Variants in TMSB4X observed in about 807,000 individuals in gnomAD.
The protein encoded by TMSB4X is thymosin beta-4.
A neutral mutation model predicts 3.6 loss-of-function variants in TMSB4X; 1 was observed. The observed-to-expected ratio is 0.28, with a 90% CI of 0.10 to 1.32. The LOEUF (loss-of-function observed/expected upper bound fraction) is 1.32. Ranked by LOEUF, TMSB4X falls within the 40% of genes most tolerant of loss-of-function variation. The probability of loss-of-function intolerance (pLI) is 0.45; values close to 1 mark genes in which losing one functional copy is unlikely to be tolerated. For synonymous variants in TMSB4X, 12 were observed against 14.3 expected, an observed-to-expected ratio of 0.84 and a Z score of 0.36; for missense variants, 6 against 32.7, an observed-to-expected ratio of 0.18 and a Z score of 1.99.
chrX:12,976,914 C>G lies in TMSB4X; in HGVS notation c.*103C>G, dbSNP rs1172966197. Reference sequence around the variant, plus strand: ...TTTGTAAGATGCAAAGAGGTTGGATCAAGTTTAAATGACTGTGCTGCCCCT... The same window carrying G: ...TTTGTAAGATGCAAAGAGGTTGGATGAAGTTTAAATGACTGTGCTGCCCCT... On this transcript the variant is annotated 3_prime_UTR_variant, in exon 3 of 3. Coordinates refer to ENST00000451311, the MANE Select transcript of TMSB4X (RefSeq NM_021109.4). 1 of 958,468 alleles carries G rather than the reference C, an allele frequency of 1.0e-6. No individual in the cohort carries two copies. Among genetic ancestry groups the G allele is most frequent in the East Asian group, 3.1e-5 (1 of 32,572 alleles). The allele number at this position is 958,468 out of a possible 1,213,427, so 79.0% of individuals were successfully genotyped here. A position where few individuals can be genotyped will look rare whatever the true frequency, so the allele number is the denominator to read the frequency against.
rs2010339 is a variant in TMSB4X, at chrX:12,976,254, C to T, written c.-8C>T. ...TGGCTTGCTCCCTGCAGCTTTTCCT[C>T]CGCAACCATGTCTGACAAACCCGAT... On this transcript the variant is annotated 5_prime_UTR_variant, in exon 2 of 3. Transcript: ENST00000451311. 3.3e-6 allele frequency: 4 copies of T among 1,206,494 alleles called. No individual in the cohort carries two copies. In the African/African-American group the frequency reaches 7.0e-5, roughly 21 times the overall value.
At chrX:12,975,457 C>A (rs755472234) in intron 1 of TMSB4X, 1 of 113,148 alleles carries the variant, frequency 8.8e-6, no homozygotes, top group African/African-American at 3.2e-5. Flanking sequence ...TTGTGCGTTG[C>A]CTTGGAGGCT....
chrX:12,976,186 C>T, intron 1 of TMSB4X, 60 bp from the exon 2 acceptor site: 1 of 917,251 alleles, frequency 1.1e-6, no homozygotes, highest in Non-Finnish European at 1.6e-6. Flanking sequence ...CAGTTCCCAG[C>T]CCAGAGACAG....
At position 12,976,371 on chromosome X, in the gene TMSB4X, G is replaced by A; in HGVS notation, c.100+10G>A. ...CTGCCTTCCAAAGAAAGTGAGCTCC[G>A]ACCCACCCCCATCTTTAGAAAGGCT... On this transcript the variant is annotated intron_variant, in intron 2 of 2. Coordinates refer to ENST00000451311, the MANE Select transcript of TMSB4X (RefSeq NM_021109.4). 8.5e-7 allele frequency: 1 copy of A among 1,173,284 alleles called. No homozygotes were observed. Among genetic ancestry groups the A allele is most frequent in the East Asian group, 3.1e-5 (1 of 32,047 alleles).
rs1335322543 is a variant in TMSB4X, at chrX:12,976,236, C to T, written c.-16-10C>T. ...CTTCCTCACGCTCGCTCTTGGCTTGCTCCCTGCAGCTTTTCCTCCGCAACC... is the reference window on the plus strand; with the variant it reads ...CTTCCTCACGCTCGCTCTTGGCTTGTTCCCTGCAGCTTTTCCTCCGCAACC... On this transcript the variant is annotated splice_polypyrimidine_tract_variant and intron_variant, in intron 1 of 2. Transcript: ENST00000451311. 1.4e-5 allele frequency: 16 copies of T among 1,184,807 alleles called. No individual in the cohort carries two copies. The highest frequency in any genetic ancestry group is 3.5e-5 in the African/African-American group (2 of 56,622).
intron 2 of TMSB4X, among the ~76,000 whole-genome samples, 199 bp from the exon 3 acceptor site, chrX:12,976,577 GC>G (rs1279819998): frequency 8.9e-6 from 1 of 111,753 alleles, no homozygotes; most frequent in Non-Finnish European, 1.9e-5. Context: ...TATTTAATAT[GC>G]CATATTAATA....
chrX:12,977,040 G>A lies in TMSB4X; in HGVS notation c.*229G>A. On this transcript the variant is annotated 3_prime_UTR_variant, in exon 3 of 3. Coordinates refer to ENST00000451311, the MANE Select transcript of TMSB4X (RefSeq NM_021109.4). ...AGGAAAGAACTTGCATGTTGGTGAAGGAAGAAGTGGGGTGGAAGAAGTGGG... is the reference window on the plus strand; with the variant it reads ...AGGAAAGAACTTGCATGTTGGTGAAAGAAGAAGTGGGGTGGAAGAAGTGGG... 1 of 428,611 alleles carries A rather than the reference G, an allele frequency of 2.3e-6. No individual in the cohort carries two copies. Among genetic ancestry groups the A allele is most frequent in the South Asian group, 4.0e-5 (1 of 25,114 alleles). 35.3% of individuals were successfully genotyped at this position (428,611 alleles called of 1,213,427 possible). A position where few individuals can be genotyped will look rare whatever the true frequency, so the allele number is the denominator to read the frequency against.
At chrX:12,976,203 G>C in intron 1 of TMSB4X, 43 bp from the exon 2 acceptor site, 1 of 1,011,826 alleles carries the variant, frequency 9.9e-7, no homozygotes, top group Non-Finnish European at 1.4e-6. Flanking sequence ...ACAGCGGGGC[G>C]GGTGGCTCTT....
chrX:12,976,148 T>A, intron 1 of TMSB4X, 98 bp from the exon 2 acceptor site: 1 of 604,467 alleles, frequency 1.7e-6, no homozygotes, highest in Non-Finnish European at 2.7e-6. Flanking sequence ...AGGGTTTTTT[T>A]CAGGCTGCGG....
Position 12,976,284 on chromosome X carries a change from C to T in TMSB4X, c.23C>T (p.Ala8Val), listed in dbSNP as rs777121308. Reference sequence around the variant, plus strand: ...ACCATGTCTGACAAACCCGATATGGCTGAGATCGAGAAATTCGATAAGTCG... The same window carrying T: ...ACCATGTCTGACAAACCCGATATGGTTGAGATCGAGAAATTCGATAAGTCG... MSDKPDM[A>V]EIEKFDKSKL... Residue 8 changes from alanine (A) to valine (V), a missense_variant, in exon 2 of 3, where the codon GCT becomes GTT. Physicochemically the swap from Ala to Val is moderately conservative, Grantham distance 64. Transcript: ENST00000451311. The T allele has an allele frequency of 8.3e-7, 1 of 1,209,026 alleles. No individual in the cohort carries two copies. The highest frequency in any genetic ancestry group is 2.2e-5 in the Admixed American group (1 of 45,755).
At chrX:12,976,748 C>CTTTTT (rs138495959) in intron 2 of TMSB4X, 29 bp from the exon 3 acceptor site, 30 of 1,070,470 alleles carry the variant, frequency 2.8e-5, no homozygotes, top group Admixed American at 1.6e-4. Flanking sequence ...CTCCCTCCAT[C>CTTTTT]TTTTTTTTTT....
intron 1 of TMSB4X, chrX:12,975,427 A>T (rs184923448): frequency 8.8e-5 from 10 of 113,060 alleles, no homozygotes; most frequent in African/African-American, 3.2e-4. Context: ...AAAATTTCTT[A>T]GTGTTTGCCC....
At position 12,976,928 on chromosome X, in the gene TMSB4X, T is replaced by C; in HGVS notation, c.*117T>C. 1 of 833,253 alleles carries C rather than the reference T, an allele frequency of 1.2e-6. No homozygotes were observed. Among genetic ancestry groups the C allele is most frequent in the Non-Finnish European group, 1.7e-6 (1 of 577,336 alleles). The allele number at this position is 833,253 out of a possible 1,213,427, so 68.7% of individuals were successfully genotyped here. A position where few individuals can be genotyped will look rare whatever the true frequency, so the allele number is the denominator to read the frequency against. On this transcript the variant is annotated 3_prime_UTR_variant, in exon 3 of 3. Transcript: ENST00000451311. ...AGAGGTTGGATCAAGTTTAAATGAC[T>C]GTGCTGCCCCTTTCACATCAAAGAA...
intron 1 of TMSB4X, chrX:12,975,838 A>G (rs1887407147): frequency 8.7e-6 from 1 of 115,588 alleles, no homozygotes; most frequent in Non-Finnish European, 1.8e-5. Context: ...TAGGAAATGG[A>G]AACGCTTTTC....
At chrX:12,976,422 G>C (rs1468412200) in intron 2 of TMSB4X, 61 bp downstream of exon 2, 3 of 1,003,489 alleles carry the variant, frequency 3.0e-6, no homozygotes, top group Admixed American at 4.7e-5. Context: ...GTGGGAGGGC[G>C]GGAGGCTGGG....
intron 1 of TMSB4X, chrX:12,975,474 T>A (rs902782233): frequency 3.5e-5 from 4 of 112,859 alleles, no homozygotes; most frequent in Non-Finnish European, 7.5e-5. Flanking sequence ...GGCTGAGATA[T>A]GGGGGAATAG....
chrX:12,976,772 C>G lies in TMSB4X; in HGVS notation c.101-5C>G, dbSNP rs1394900737. On this transcript the variant is annotated splice_region_variant and splice_polypyrimidine_tract_variant and intron_variant, in intron 2 of 2. Coordinates refer to ENST00000451311, the MANE Select transcript of TMSB4X (RefSeq NM_021109.4). Reference sequence around the variant, plus strand: ...TCTTTTTTTTTTTTTTTTTTCTGGTCACAGCGATTGAACAGGAGAAGCAAG... The same window carrying G: ...TCTTTTTTTTTTTTTTTTTTCTGGTGACAGCGATTGAACAGGAGAAGCAAG... The G allele has an allele frequency of 2.9e-5, 32 of 1,118,080 alleles. No homozygotes were observed. The highest frequency in any genetic ancestry group is 3.8e-5 in the Non-Finnish European group (32 of 842,835). 92.1% of individuals were successfully genotyped at this position (1,118,080 alleles called of 1,213,427 possible).
chrX:12,976,761 T>TC lies in TMSB4X; in HGVS notation c.101-16_101-15insC. 8.4e-7 allele frequency: 1 copy of TC among 1,191,214 alleles called. No homozygotes were observed. Among genetic ancestry groups the TC allele is most frequent in the Non-Finnish European group, 1.1e-6 (1 of 889,519 alleles). ...ATCTCCCTCCATCTTTTTTTTTTTT[T>TC]TTTTTCTGGTCACAGCGATTGAACA... On this transcript the variant is annotated splice_polypyrimidine_tract_variant and intron_variant, in intron 2 of 2. Transcript: ENST00000451311.
intron 2 of TMSB4X, 49 bp from the exon 3 acceptor site, chrX:12,976,728 C>T: frequency 4.3e-6 from 5 of 1,175,808 alleles, no homozygotes; most frequent in Non-Finnish European, 5.7e-6. Flanking sequence ...GTACTGAATC[C>T]TTTAATCATC....
Sources: allele counts gnomAD v4.1 joint callset (sites outside exome capture counted in the v4.1 genomes callset), GRCh38; gene constraint gnomAD v4.1.1; transcripts MANE v1.5; gene names NCBI Gene and HGNC (gene_info 2026-07-23, HGNC 2026-07-21).